Variants in PLXNA4 observed in about 807,000 individuals in gnomAD.
PLXNA4 encodes the protein plexin-A4.
PLXNA4 carries 44 observed loss-of-function variants against 191.8 expected under a neutral mutation model. The observed-to-expected ratio is 0.23, with a 90% CI of 0.18 to 0.29. The LOEUF is 0.29. Ranked by LOEUF, PLXNA4 falls within the 10% of genes least tolerant of loss-of-function variation. The probability of loss-of-function intolerance (pLI) is 1.00; values close to 1 mark genes in which losing one functional copy is unlikely to be tolerated. For synonymous variants in PLXNA4, 1,082 were observed against 1,009.5 expected, an observed-to-expected ratio of 1.07 and a Z score of -1.36; for missense variants, 1,800 against 2,488.8, an observed-to-expected ratio of 0.72 and a Z score of 5.89.
intron 3 of PLXNA4, among the ~76,000 whole-genome samples, chr7:132,345,628 G>T (rs1803216018): frequency 6.6e-6 from 1 of 152,144 alleles, no homozygotes; most frequent in South Asian, 2.1e-4. Context: ...CTTCTGGGCT[G>T]TGCCAGCCAA....
chr7:132,151,620 G>GGGAAGGAGA (rs369613353), intron 25 of PLXNA4, among the ~76,000 whole-genome samples: 2 of 151,132 alleles, frequency 1.3e-5, no homozygotes, highest in Non-Finnish European at 3.0e-5. Context: ...GGGGGAGAAG[G>GGGAAGGAGA]GGAAGGAGAG....
chr7:132,596,193 T>C (rs1802707133), intron 2 of PLXNA4, among the ~76,000 whole-genome samples: 1 of 152,346 alleles, frequency 6.6e-6, no homozygotes, highest in Admixed American at 6.5e-5. Context: ...TGTATATTCT[T>C]GATTTGTATG....
intron 3 of PLXNA4, chr7:132,368,034 G>A (rs1331027697): frequency 6.6e-6 from 1 of 152,156 alleles, no homozygotes; most frequent in Non-Finnish European, 1.5e-5. Flanking sequence ...GAGATCACAG[G>A]GGGTGTAGAA....
At chr7:132,619,634 C>A (rs919742808) in intron 2 of PLXNA4, among the ~76,000 whole-genome samples, 1 of 152,226 alleles carries the variant, frequency 6.6e-6, no homozygotes, top group Non-Finnish European at 1.5e-5. Context: ...TTATTCATGG[C>A]TCCATTTCAG....
intron 3 of PLXNA4, among the ~76,000 whole-genome samples, chr7:132,414,068 C>T (rs1315018134): frequency 2.0e-5 from 3 of 152,218 alleles, no homozygotes; most frequent in African/African-American, 7.2e-5. Context: ...TGGGGGAGCA[C>T]TGGGACATAT....
chr7:132,486,354 G>C (rs1797556698), intron 3 of PLXNA4, among the ~76,000 whole-genome samples: 1 of 152,200 alleles, frequency 6.6e-6, no homozygotes, highest in African/African-American at 2.4e-5. Flanking sequence ...TAGTGAGTGA[G>C]TGGGGGTGGG....
Position 132,211,147 on chromosome 7 carries a change from G to C in PLXNA4, c.2098-4C>G, listed in dbSNP as rs1246503210. ...CTCGCAGCAGCTGGGGGCAGTCCTG[G>C]GGACAGAGGGCATGGCTCAGGCTGG... On this transcript the variant is annotated splice_polypyrimidine_tract_variant and splice_region_variant and intron_variant, in intron 9 of 31. Coordinates refer to ENST00000321063, the MANE Select transcript of PLXNA4 (RefSeq NM_020911.2). 3 of 1,554,060 alleles carry C rather than the reference G, an allele frequency of 1.9e-6. No homozygotes were observed. The highest frequency in any genetic ancestry group is 1.4e-5 in the African/African-American group (1 of 73,360).
chr7:132,517,836 A>G (rs1799001000), intron 1 of PLXNA4, among the ~76,000 whole-genome samples: 1 of 152,240 alleles, frequency 6.6e-6, no homozygotes, highest in South Asian at 2.1e-4. Flanking sequence ...GTTGGGGAGC[A>G]GCAACAGGCC....
intron 4 of PLXNA4, among the ~76,000 whole-genome samples, chr7:132,266,006 G>T (rs886174398): frequency 2.0e-5 from 3 of 152,192 alleles, no homozygotes; most frequent in African/African-American, 7.2e-5. Flanking sequence ...GAATCAAGAA[G>T]AAGTTGACTC....
At chr7:132,413,766 C>G (rs577819425) in intron 3 of PLXNA4, among the ~76,000 whole-genome samples, 2 of 152,178 alleles carry the variant, frequency 1.3e-5, no homozygotes, top group Non-Finnish European at 2.9e-5. Flanking sequence ...TACCTGGAAA[C>G]CCATATATTA....
intron 4 of PLXNA4, among the ~76,000 whole-genome samples, chr7:132,293,134 G>C (rs1800953778): frequency 6.6e-6 from 1 of 152,170 alleles, no homozygotes. Context: ...AGAATGATGA[G>C]ATGCCCCTGA....
At chr7:132,390,989 C>T (rs28716594) in intron 3 of PLXNA4, among the ~76,000 whole-genome samples, 18,749 of 152,220 alleles carry the variant, frequency 0.12, 1,608 homozygotes, top group African/African-American at 0.24. Flanking sequence ...ACTCTAGTTA[C>T]TTCTCCCCAT....
intron 16 of PLXNA4, 113 bp from the exon 17 acceptor site, chr7:132,182,303 G>C: frequency 2.0e-6 from 3 of 1,488,426 alleles, no homozygotes; most frequent in Non-Finnish European, 2.7e-6. Flanking sequence ...AGGCAGCAGG[G>C]TAATGTTCAT....
intron 3 of PLXNA4, among the ~76,000 whole-genome samples, chr7:132,470,503 C>A (rs1377748250): frequency 6.6e-6 from 1 of 152,214 alleles, no homozygotes; most frequent in African/African-American, 2.4e-5. Flanking sequence ...TAGGTAGAAT[C>A]ATGCCCCCTC....
intron 14 of PLXNA4, among the ~76,000 whole-genome samples, chr7:132,189,307 C>T (rs1797015285): frequency 1.3e-5 from 2 of 152,012 alleles, no homozygotes; most frequent in South Asian, 2.1e-4. Context: ...ATTATTCAAG[C>T]CATGCTTCAT....
upstream of PLXNA4, among the ~76,000 whole-genome samples, chr7:132,579,701 C>T (rs74866428): frequency 0.038 from 5,816 of 152,100 alleles, 260 homozygotes; most frequent in African/African-American, 0.1. Context: ...GGACCAGCCA[C>T]GGGCAGGTGA....
At chr7:132,527,141 C>T (rs1359520083) in intron 1 of PLXNA4, among the ~76,000 whole-genome samples, 2 of 152,144 alleles carry the variant, frequency 1.3e-5, no homozygotes, top group Non-Finnish European at 2.9e-5. Context: ...TGGGAAGATG[C>T]ATTCCGTTCT....
chr7:132,166,171 T>G (rs1796117497), intron 22 of PLXNA4, among the ~76,000 whole-genome samples: 1 of 151,788 alleles, frequency 6.6e-6, no homozygotes, highest in Non-Finnish European at 1.5e-5. Flanking sequence ...CACTCCAGCC[T>G]GGCGACAGAG....
At chr7:132,297,285 G>C (rs1322671314) in intron 4 of PLXNA4, among the ~76,000 whole-genome samples, 1 of 152,162 alleles carries the variant, frequency 6.6e-6, no homozygotes, top group African/African-American at 2.4e-5. Flanking sequence ...GAGGCCACAG[G>C]GCAGAGGTAC....
Sources: gnomAD v4.1 joint callset for allele counts (sites outside exome capture counted in the v4.1 genomes callset) on GRCh38, gnomAD v4.1.1 for gene constraint, MANE v1.5 for transcripts, NCBI Gene and HGNC (gene_info 2026-07-23, HGNC 2026-07-21) for gene names.